Variants in ITPR1 observed in about 807,000 individuals in gnomAD.
ITPR1 encodes the protein inositol 1,4,5-trisphosphate-gated calcium channel ITPR1.
ITPR1 carries 96 observed loss-of-function variants against 318.4 expected under a neutral mutation model. The ratio of observed to expected loss-of-function variants is 0.30; its 90% CI spans 0.26 to 0.36. ITPR1 has a LOEUF of 0.36. Ranked by LOEUF, ITPR1 falls within the 10% of genes least tolerant of loss-of-function variation. The pLI is 1.00. For missense variants in ITPR1, 2,440 were observed against 3,460.2 expected, an observed-to-expected ratio of 0.71 and a Z score of 7.40; for synonymous variants, 1,312 against 1,289.9, an observed-to-expected ratio of 1.02 and a Z score of -0.37.
At chr3:4,513,130 C>T (rs2081956678) in intron 2 of ITPR1, among the ~76,000 whole-genome samples, 1 of 152,172 alleles carries the variant, frequency 6.6e-6, no homozygotes, top group Non-Finnish European at 1.5e-5. Context: ...GAGGCGGGCT[C>T]TCCCACCCAG....
At chr3:4,553,910 T>A (rs113784264) in intron 4 of ITPR1, among the ~76,000 whole-genome samples, 1 of 152,142 alleles carries the variant, frequency 6.6e-6, no homozygotes, top group Non-Finnish European at 1.5e-5. Context: ...CTGGCTAACA[T>A]TTTTTAGTTG....
intron 4 of ITPR1, among the ~76,000 whole-genome samples, chr3:4,562,929 G>A (rs968752293): frequency 2.7e-5 from 4 of 145,530 alleles, no homozygotes; most frequent in African/African-American, 1.0e-4. Flanking sequence ...ATAAAATAAG[G>A]AGGATGTGAT....
chr3:4,741,528 G>T (rs2043700986), intron 44 of ITPR1, among the ~76,000 whole-genome samples: 1 of 143,268 alleles, frequency 7.0e-6, no homozygotes, highest in Non-Finnish European at 1.5e-5. Flanking sequence ...GGTTCATGAG[G>T]CCTTTCCTAC....
At position 4,663,322 on chromosome 3, in the gene ITPR1, G is replaced by A. The variant is rs1382068715; in HGVS notation, c.1554+116G>A. ...GAAGCCGAGGTGGGAGGATCCCCTT[G>A]AGCCCAGGAAATGGAGGTTGCAGTG... On this transcript the variant is annotated intron_variant, in intron 16 of 61. Coordinates refer to ENST00000649015, the MANE Select transcript of ITPR1 (RefSeq NM_001378452.1). 1.5e-5 allele frequency: 14 copies of A among 914,498 alleles called. No individual in the cohort carries two copies. The South Asian group carries it at 2.5e-4, about 16-fold the overall frequency. 56.6% of individuals were successfully genotyped at this position (914,498 alleles called of 1,614,324 possible). A position where few individuals can be genotyped will look rare whatever the true frequency, so the allele number is the denominator to read the frequency against.
chr3:4,693,884 G>T (rs993989869), intron 33 of ITPR1, 143 bp downstream of exon 33: 2 of 826,432 alleles, frequency 2.4e-6, no homozygotes, highest in Non-Finnish European at 3.7e-6. Context: ...TGGGATTTCA[G>T]TTCCCTAAAA....
At chr3:4,644,110 A>G (rs2093400642) in intron 7 of ITPR1, 26 bp from the exon 8 acceptor site, 6 of 1,507,058 alleles carry the variant, frequency 4.0e-6, no homozygotes, top group Non-Finnish European at 5.5e-6. Context: ...TTTTGTGCAA[A>G]GCTCTATTGC....
intron 4 of ITPR1, among the ~76,000 whole-genome samples, chr3:4,580,263 G>A (rs774554510): frequency 2.0e-5 from 3 of 152,112 alleles, no homozygotes; most frequent in Non-Finnish European, 2.9e-5. Context: ...TATGGTTCAC[G>A]TGCCCTTGAT....
intron 12 of ITPR1, among the ~76,000 whole-genome samples, chr3:4,657,304 C>G (rs1007707607): frequency 2.6e-5 from 4 of 151,956 alleles, no homozygotes; most frequent in African/African-American, 9.7e-5. Flanking sequence ...GTAGATGAAT[C>G]CAGCTGCCCA....
At position 4,806,167 on chromosome 3, in the gene ITPR1, A is replaced by G. The variant is rs1478636544; in HGVS notation, c.7172A>G (p.Tyr2391Cys). ...AACTGTGGGACATTCACAAGAGGCT[A>G]CCGAGCCATGGTTCTGGATGTTGAG... ...VGNCGTFTRG[Y>C]RAMVLDVEFL... The change falls in exon 55 of 62, where the codon TAC (tyrosine) becomes TGC (cysteine). Residue 2391 changes from tyrosine (Y) to cysteine (C), a missense_variant. By Grantham distance (194) the Tyr-to-Cys change is radical. Around this residue, in one of 23 missense-constraint regions of ITPR1, gnomAD observed 126 missense variants for 150.8 expected, o/e 0.84. Transcript: ENST00000649015. 1.2e-6 allele frequency: 2 copies of G among 1,613,872 alleles called. No individual in the cohort carries two copies. Among genetic ancestry groups the G allele is most frequent in the South Asian group, 1.1e-5 (1 of 91,080 alleles).
chr3:4,764,716 G>A (rs1288050521), intron 44 of ITPR1, among the ~76,000 whole-genome samples: 4 of 152,224 alleles, frequency 2.6e-5, no homozygotes, highest in Non-Finnish European at 5.9e-5. Context: ...TAGGGCAGTG[G>A]CATTGAGCGT....
At chr3:4,825,609 T>C (rs550833298) in intron 60 of ITPR1, 6 of 406,998 alleles carry the variant, frequency 1.5e-5, no homozygotes, top group South Asian at 1.1e-4. Flanking sequence ...GCCCTTGTGC[T>C]TATCTGTATT....
intron 36 of ITPR1, among the ~76,000 whole-genome samples, chr3:4,704,937 A>T (rs9862943): frequency 0.29 from 43,673 of 151,452 alleles, 7,014 homozygotes; most frequent in Non-Finnish European, 0.38. Context: ...TTCAATTGTT[A>T]ATTATTTGTA....
At chr3:4,658,813 A>G (rs939548429) in intron 13 of ITPR1, among the ~76,000 whole-genome samples, 5 of 152,098 alleles carry the variant, frequency 3.3e-5, no homozygotes, top group East Asian at 1.9e-4. Flanking sequence ...TAACTGGACT[A>G]TAAATAGGGA....
chr3:4,588,633 G>A (rs1301302538), intron 4 of ITPR1, among the ~76,000 whole-genome samples: 1 of 152,014 alleles, frequency 6.6e-6, no homozygotes, highest in African/African-American at 2.4e-5. Flanking sequence ...ATGTGCTGAT[G>A]ACTAACAGAT....
At chr3:4,821,001 G>A (rs1559956163) in intron 60 of ITPR1, among the ~76,000 whole-genome samples, 1 of 152,216 alleles carries the variant, frequency 6.6e-6, no homozygotes. Context: ...CCACAGTTGG[G>A]ATGAGGCCCC....
chr3:4,842,090 C>T (rs1294387870), intron 61 of ITPR1, among the ~76,000 whole-genome samples: 1 of 152,228 alleles, frequency 6.6e-6, no homozygotes, highest in Non-Finnish European at 1.5e-5. Context: ...ATGAACTTTC[C>T]TTCCAGTGCC....
chr3:4,734,321 A>C (rs1390447263), intron 43 of ITPR1, among the ~76,000 whole-genome samples: 1 of 152,250 alleles, frequency 6.6e-6, no homozygotes, highest in Non-Finnish European at 1.5e-5. Context: ...TTGGAAATGC[A>C]AGACAGACTC....
At chr3:4,598,043 C>T (rs1220646993) in intron 4 of ITPR1, among the ~76,000 whole-genome samples, 1 of 152,206 alleles carries the variant, frequency 6.6e-6, no homozygotes, top group African/African-American at 2.4e-5. Context: ...TCTTCCGTTT[C>T]CTGCGTCTTA....
At chr3:4,756,598 T>G (rs1180795940) in intron 44 of ITPR1, among the ~76,000 whole-genome samples, 3 of 152,194 alleles carry the variant, frequency 2.0e-5, no homozygotes, top group Non-Finnish European at 1.5e-5. Flanking sequence ...TTCCTGTTCC[T>G]GCATTCGTTT....
Sources: allele counts gnomAD v4.1 joint callset (sites outside exome capture counted in the v4.1 genomes callset), GRCh38; gene constraint gnomAD v4.1.1; regional missense constraint gnomAD v4.1.1; transcripts MANE v1.5; gene names NCBI Gene and HGNC (gene_info 2026-07-23, HGNC 2026-07-21).